The following RASEF variants were observed in gnomAD, a reference collection of about 807,000 sequenced individuals.
RASEF encodes the protein RAS and EF-hand domain containing, also known as ras and EF-hand domain-containing protein.
Under a neutral mutation model 90.1 loss-of-function variants are expected in RASEF, and 68 were observed. The observed-to-expected ratio is 0.75, with a 90% CI of 0.62 to 0.92. The LOEUF is 0.92. Among genes scored for constraint, RASEF ranks in the 40% least tolerant of loss-of-function variants. The pLI is 0.00. For synonymous variants in RASEF, 331 were observed against 345.2 expected (o/e 0.96, Z 0.46); for missense variants, 949 against 937.2 (o/e 1.01, Z -0.16).
chr9:83,105,655 A>G, the RASEF span, among the ~76,000 whole-genome samples: 3 of 152,366 alleles, frequency 2.0e-5, no homozygotes, highest in East Asian at 3.9e-4. Context: ...GCATGGTATA[A>G]TATGGGATCA....
the RASEF span, among the ~76,000 whole-genome samples, chr9:83,128,463 CT>C: frequency 0.015 from 1,988 of 132,314 alleles, 19 homozygotes; most frequent in African/African-American, 0.035. Context: ...TTGTTTTAGC[CT>C]TTTTTTTTTT....
chr9:83,022,903 T>C (rs1829469454), intron 2 of RASEF, among the ~76,000 whole-genome samples: 1 of 152,250 alleles, frequency 6.6e-6, no homozygotes, highest in Non-Finnish European at 1.5e-5. Flanking sequence ...TATATTCTTA[T>C]GGGACCACTG....
At chr9:83,151,437 C>T in the RASEF span, among the ~76,000 whole-genome samples, 6 of 152,136 alleles carry the variant, frequency 3.9e-5, no homozygotes, top group African/African-American at 1.4e-4. Context: ...GATGGGCCAG[C>T]AGGTAGGATG....
the RASEF span, among the ~76,000 whole-genome samples, chr9:83,090,139 G>A: frequency 1.3e-5 from 2 of 151,992 alleles, no homozygotes; most frequent in African/African-American, 4.8e-5. Context: ...AGCCCCTCTA[G>A]TGAATCTTGC....
At chr9:83,085,758 G>A in the RASEF span, among the ~76,000 whole-genome samples, 1 of 151,768 alleles carries the variant, frequency 6.6e-6, no homozygotes, top group African/African-American at 2.4e-5. Context: ...AATCCCATCT[G>A]TACTAAAAAT....
At chr9:83,029,179 C>G (rs1829598532) in intron 1 of RASEF, among the ~76,000 whole-genome samples, 1 of 152,178 alleles carries the variant, frequency 6.6e-6, no homozygotes, top group African/African-American at 2.4e-5. Flanking sequence ...GATTCAAACT[C>G]AGTCTCAAGC....
chr9:83,059,404 A>T (rs996196703), intron 1 of RASEF, among the ~76,000 whole-genome samples: 8 of 151,782 alleles, frequency 5.3e-5, no homozygotes, highest in Non-Finnish European at 1.2e-4. Context: ...AAAGAAGTGG[A>T]GAAAATGCTC....
chr9:83,159,677 T>C, the RASEF span, among the ~76,000 whole-genome samples: 1 of 152,252 alleles, frequency 6.6e-6, no homozygotes, highest in Admixed American at 6.5e-5. Context: ...CCTACAAATT[T>C]GCACCATTTA....
the RASEF span, among the ~76,000 whole-genome samples, chr9:83,187,715 T>C: frequency 6.6e-6 from 1 of 152,334 alleles, no homozygotes; most frequent in Non-Finnish European, 1.5e-5. Flanking sequence ...TTCCTCATGC[T>C]ATTCAATCTC....
chr9:83,004,642 A>G (rs1000550133), intron 8 of RASEF, 56 bp from the exon 9 acceptor site: 4 of 1,058,316 alleles, frequency 3.8e-6, no homozygotes, highest in African/African-American at 1.6e-5. Context: ...TAAACATTTT[A>G]TATACACATA....
chr9:83,063,639 T>C (rs1830255750), upstream of RASEF, among the ~76,000 whole-genome samples: 1 of 152,138 alleles, frequency 6.6e-6, no homozygotes, highest in Admixed American at 6.5e-5. Context: ...CAATTCCACA[T>C]TTTTTCTCAA....
the RASEF span, among the ~76,000 whole-genome samples, chr9:83,206,952 A>G: frequency 2.6e-5 from 4 of 152,196 alleles, no homozygotes; most frequent in South Asian, 8.3e-4. Context: ...CTTCCCGTCT[A>G]GGCCGGTCCC....
intron 1 of RASEF, among the ~76,000 whole-genome samples, chr9:83,035,049 T>C (rs923784579): frequency 8.5e-5 from 13 of 152,264 alleles, no homozygotes; most frequent in African/African-American, 2.9e-4. Flanking sequence ...GAAAATCTTG[T>C]AGTATGGGAG....
At chr9:83,008,993 C>G (rs1227480292) in intron 6 of RASEF, among the ~76,000 whole-genome samples, 1 of 132,964 alleles carries the variant, frequency 7.5e-6, no homozygotes, top group Non-Finnish European at 1.6e-5. Flanking sequence ...CTCATAACTC[C>G]TTATCTAGTT....
At chr9:83,035,355 G>C (rs934765566) in intron 1 of RASEF, among the ~76,000 whole-genome samples, 8 of 152,164 alleles carry the variant, frequency 5.3e-5, no homozygotes, top group African/African-American at 1.9e-4. Flanking sequence ...GGATAGATGA[G>C]CCTTGCTGTG....
chr9:83,045,504 T>C lies in RASEF; in HGVS notation c.431+16933A>G, dbSNP rs368039907. On this transcript the variant is annotated intron_variant, in intron 1 of 16. Transcript: ENST00000376447. ...AACAACCTAATGGATTTCTGAACTT[T>C]TGTGGACTAAAGCACTTTTATTATC... Among the ~76,000 whole-genome samples, 202 of 152,364 alleles carry C rather than the reference T, an allele frequency of 1.3e-3. 5 individuals are homozygous for C. The South Asian group carries it at 0.039, about 30-fold the overall frequency.
chr9:83,094,388 G>A, the RASEF span, among the ~76,000 whole-genome samples: 1 of 145,646 alleles, frequency 6.9e-6, no homozygotes, highest in Non-Finnish European at 1.5e-5. Context: ...AAATATATTA[G>A]GTTAAAATAA....
chr9:83,188,630 A>AGAAAT, the RASEF span, among the ~76,000 whole-genome samples: 2 of 152,226 alleles, frequency 1.3e-5, no homozygotes, highest in Non-Finnish European at 2.9e-5. Flanking sequence ...CCAAAAGAAA[A>AGAAAT]GAAATGAAAT....
chr9:83,100,346 T>C, the RASEF span, among the ~76,000 whole-genome samples: 1 of 152,220 alleles, frequency 6.6e-6, no homozygotes, highest in Non-Finnish European at 1.5e-5. Context: ...ATGAAGCTAG[T>C]AAAAGATAAA....
Sources: allele counts gnomAD v4.1 joint callset (sites outside exome capture counted in the v4.1 genomes callset), GRCh38; gene constraint gnomAD v4.1.1; transcripts MANE v1.5; gene names NCBI Gene and HGNC (gene_info 2026-07-23, HGNC 2026-07-21).